Variants in KITLG observed in about 807,000 individuals in gnomAD.
KITLG encodes KIT ligand, also known as c-Kit ligand.
A neutral mutation model predicts 34.1 loss-of-function variants in KITLG; 13 were observed. The observed-to-expected ratio is 0.38, with a 90% CI of 0.25 to 0.61. KITLG has a LOEUF of 0.61. Among genes scored for constraint, KITLG ranks in the 20% least tolerant of loss-of-function variants. The pLI, the probability that KITLG is intolerant of heterozygous loss-of-function variation, is 0.60. For missense variants in KITLG, 292 were observed against 318.9 expected (o/e 0.92, Z 0.64); for synonymous variants, 110 against 104.0 (o/e 1.06, Z -0.35).
At chr12:88,550,998 C>A (rs1172433603) in intron 1 of KITLG, among the ~76,000 whole-genome samples, 3 of 152,082 alleles carry the variant, frequency 2.0e-5, no homozygotes, top group Non-Finnish European at 2.9e-5. Flanking sequence ...AAATATCTTA[C>A]AAAGACACAG....
intron 1 of KITLG, among the ~76,000 whole-genome samples, chr12:88,567,043 T>C (rs1368295162): frequency 6.6e-6 from 1 of 152,196 alleles, no homozygotes; most frequent in African/African-American, 2.4e-5. Flanking sequence ...GAATTCCTTT[T>C]TAAATCTAAT....
At chr12:88,509,725 G>A (rs571995306) in intron 6 of KITLG, among the ~76,000 whole-genome samples, 21 of 152,246 alleles carry the variant, frequency 1.4e-4, no homozygotes, top group African/African-American at 5.1e-4. Flanking sequence ...TATTTCACTT[G>A]TTCATGCGTG....
intron 4 of KITLG, among the ~76,000 whole-genome samples, chr12:88,517,496 A>G (rs886454280): frequency 1.3e-5 from 2 of 152,220 alleles, no homozygotes; most frequent in African/African-American, 4.8e-5. Context: ...TGATTAGTAA[A>G]TGCACATTCT....
chr12:88,502,152 T>C (rs1053858585), intron 9 of KITLG, among the ~76,000 whole-genome samples: 3 of 152,200 alleles, frequency 2.0e-5, no homozygotes, highest in South Asian at 2.1e-4. Context: ...GAATGAGTCA[T>C]GTTTTCATTC....
chr12:88,532,070 T>C (rs979496949), intron 3 of KITLG, among the ~76,000 whole-genome samples: 7 of 152,068 alleles, frequency 4.6e-5, no homozygotes, highest in African/African-American at 1.7e-4. Context: ...TACAGAAGAA[T>C]GTGCATAGGT....
At chr12:88,519,827 C>T (rs11104915) in intron 3 of KITLG, among the ~76,000 whole-genome samples, 11,924 of 152,036 alleles carry the variant, frequency 0.078, 509 homozygotes, top group Non-Finnish European at 0.1. Flanking sequence ...TCTTGCTTTG[C>T]TGCTCAGGCT....
Position 88,559,740 on chromosome 12 carries a change from A to T in KITLG, c.16-13875T>A, listed in dbSNP as rs184300586. 1.3e-4 allele frequency among the ~76,000 whole-genome samples: 20 copies of T among 152,336 alleles called. No individual in the cohort carries two copies. In the East Asian group the frequency reaches 3.7e-3, roughly 28 times the overall value. ...TTATTTTAAATTTTAAAAAAGACCA[A>T]TTTTTTATAGGCAATCCATGAGAGT... is the stretch of plus-strand genomic sequence containing the variant. On this transcript the variant is annotated intron_variant, in intron 1 of 9. Coordinates refer to ENST00000644744, the MANE Select transcript of KITLG (RefSeq NM_000899.5).
chr12:88,554,126 C>T (rs1438719053), intron 1 of KITLG, among the ~76,000 whole-genome samples: 4 of 152,108 alleles, frequency 2.6e-5, no homozygotes, highest in African/African-American at 4.8e-5. Flanking sequence ...TTAATCTGAA[C>T]GTGTGTTGCA....
At chr12:88,576,266 A>T (rs1009952969) in intron 1 of KITLG, among the ~76,000 whole-genome samples, 2 of 152,178 alleles carry the variant, frequency 1.3e-5, no homozygotes, top group Non-Finnish European at 2.9e-5. Flanking sequence ...GTCTTCACAT[A>T]TTCCTGGATT....
At chr12:88,534,608 C>G (rs1870235895) in intron 2 of KITLG, 1 of 467,440 alleles carries the variant, frequency 2.1e-6, no homozygotes, top group African/African-American at 2.0e-5. Flanking sequence ...CTCAAGTGAT[C>G]TGCCTGCCTT....
At chr12:88,524,024 G>T (rs1869775156) in intron 3 of KITLG, among the ~76,000 whole-genome samples, 1 of 152,176 alleles carries the variant, frequency 6.6e-6, no homozygotes, top group African/African-American at 2.4e-5. Flanking sequence ...CAGGGGTTTG[G>T]GGAGTGAGGG....
intron 2 of KITLG, among the ~76,000 whole-genome samples, chr12:88,542,163 A>G (rs570918532): frequency 6.6e-6 from 1 of 152,294 alleles, no homozygotes; most frequent in South Asian, 2.1e-4. Context: ...AAATAATTTC[A>G]AAGCTGAAAA....
chr12:88,535,653 T>A (rs189194594), intron 2 of KITLG, among the ~76,000 whole-genome samples: 1 of 152,206 alleles, frequency 6.6e-6, no homozygotes, highest in African/African-American at 2.4e-5. Context: ...GTTGTAGATA[T>A]TTGTGGTCGC....
intron 3 of KITLG, among the ~76,000 whole-genome samples, chr12:88,519,424 T>C (rs769557261): frequency 6.6e-6 from 1 of 152,132 alleles, no homozygotes; most frequent in Non-Finnish European, 1.5e-5. Context: ...GTGACAAAAA[T>C]AACATTGTTA....
chr12:88,529,860 T>C lies in KITLG; in HGVS notation c.192+2581A>G, dbSNP rs140781441. 3.3e-3 allele frequency among the ~76,000 whole-genome samples: 510 copies of C among 152,322 alleles called. 4 individuals carry two copies. Among genetic ancestry groups the C allele is most frequent in the African/African-American group, 0.012 (493 of 41,578 alleles). Reference sequence around the variant, plus strand: ...TGCTCTAAACGTGGCCTTGTTTTTCTTGCCCATGGTGGTGGCCAAGAAGAA... The same window carrying C: ...TGCTCTAAACGTGGCCTTGTTTTTCCTGCCCATGGTGGTGGCCAAGAAGAA... On this transcript the variant is annotated intron_variant, in intron 3 of 9. Transcript: ENST00000644744.
At chr12:88,549,819 C>G (rs2407205) in intron 1 of KITLG, among the ~76,000 whole-genome samples, 1 of 151,916 alleles carries the variant, frequency 6.6e-6, no homozygotes, top group Non-Finnish European at 1.5e-5. Context: ...CAAAGAACTG[C>G]GCATGCTATG....
chr12:88,508,736 A>G (rs180725199), intron 6 of KITLG, among the ~76,000 whole-genome samples: 131 of 152,198 alleles, frequency 8.6e-4, no homozygotes, highest in East Asian at 4.1e-3. Flanking sequence ...GCCCCATGGG[A>G]GATATGTTTT....
chr12:88,541,272 T>C (rs549399660), intron 2 of KITLG, among the ~76,000 whole-genome samples: 1 of 152,276 alleles, frequency 6.6e-6, no homozygotes, highest in African/African-American at 2.4e-5. Context: ...TTTGTTCTAA[T>C]GCTATCTTAC....
intron 1 of KITLG, among the ~76,000 whole-genome samples, chr12:88,566,174 A>G (rs1871436325): frequency 6.6e-6 from 1 of 152,130 alleles, no homozygotes; most frequent in South Asian, 2.1e-4. Context: ...TGAACAATGT[A>G]TGTATGTTTA....
Sources: allele counts gnomAD v4.1 joint callset (sites outside exome capture counted in the v4.1 genomes callset), GRCh38; gene constraint gnomAD v4.1.1; transcripts MANE v1.5; gene names NCBI Gene and HGNC (gene_info 2026-07-23, HGNC 2026-07-21).